The following ERCC6 variants were observed in gnomAD, a reference collection of about 807,000 sequenced individuals.
The protein encoded by ERCC6 is DNA excision repair protein ERCC-6.
In ERCC6, 116 loss-of-function variants were observed where a neutral mutation model predicts 158.7. That is an observed-to-expected ratio of 0.73 (90% confidence interval 0.63 to 0.85). The LOEUF is 0.85. ERCC6 is among the 40% of genes least tolerant of loss of function. ERCC6 has a pLI of 0.00. For missense variants in ERCC6, 1,698 were observed against 1,799.4 expected (o/e 0.94, Z 1.02); for synonymous variants, 678 against 659.3 (o/e 1.03, Z -0.43).
intron 5 of ERCC6, 118 bp downstream of exon 5, chr10:49,523,915 C>T: frequency 1.4e-6 from 2 of 1,455,158 alleles, no homozygotes; most frequent in South Asian, 1.2e-5. Flanking sequence ...AATCCAACCT[C>T]TGTATAATCG....
At chr10:49,513,214 C>T (rs1836853514) in intron 5 of ERCC6, among the ~76,000 whole-genome samples, 2 of 152,180 alleles carry the variant, frequency 1.3e-5, no homozygotes, top group Admixed American at 1.3e-4. Flanking sequence ...CAGAGCTACT[C>T]GGCTAGGCTC....
chr10:49,518,714 T>C (rs778042204), intron 5 of ERCC6, among the ~76,000 whole-genome samples: 52 of 152,082 alleles, frequency 3.4e-4, no homozygotes, highest in Non-Finnish European at 6.5e-4. Context: ...GAACAGTGGA[T>C]GTGCACAACC....
intron 5 of ERCC6, among the ~76,000 whole-genome samples, chr10:49,510,977 A>G (rs1851523068): frequency 6.6e-6 from 1 of 152,114 alleles, no homozygotes; most frequent in Admixed American, 6.6e-5. Context: ...GGTGGCTGCA[A>G]CATCAGAGAA....
chr10:49,496,422 C>T (rs1411609163), intron 7 of ERCC6, among the ~76,000 whole-genome samples: 3 of 152,162 alleles, frequency 2.0e-5, no homozygotes, highest in African/African-American at 7.2e-5. Context: ...GAAAATATAT[C>T]AACATGCTAA....
intron 18 of ERCC6, among the ~76,000 whole-genome samples, chr10:49,464,535 G>A (rs903587917): frequency 1.3e-5 from 2 of 152,198 alleles, no homozygotes; most frequent in African/African-American, 4.8e-5. Context: ...AAGACAATGA[G>A]GAAAATGTCT....
rs771748055 is a variant in ERCC6, at chr10:49,505,925, T to G, written c.1485A>C (p.Glu495Asp). ...ACAGAAAACCTGGCACTTTAAAACC[T>G]TCGTCAAATTCAGCATCACTTTCCT... The part of the protein sequence containing the change: ...DSEESDAEFD[E>D]GFKVPGFLFK... The change falls in exon 6 of 21, where the codon GAA becomes GAC. Residue 495 changes from glutamate to aspartate, a missense_variant. Transcript: ENST00000355832. 1.9e-6 allele frequency: 3 copies of G among 1,613,490 alleles called. No homozygotes were observed. In the Admixed American group the frequency reaches 5.0e-5, roughly 27 times the overall value.
chr10:49,502,709 T>C (rs1314294081), intron 6 of ERCC6: 4 of 152,212 alleles, frequency 2.6e-5, no homozygotes, highest in Admixed American at 1.3e-4. Context: ...CTTCTCCCTA[T>C]GGGACATTTG....
chr10:49,495,969 T>G (rs1038081986), intron 7 of ERCC6, among the ~76,000 whole-genome samples: 1 of 152,190 alleles, frequency 6.6e-6, no homozygotes, highest in African/African-American at 2.4e-5. Flanking sequence ...ATTAAACACC[T>G]GGACGTGGCC....
chr10:49,526,706 C>T (rs1025910502), intron 4 of ERCC6, among the ~76,000 whole-genome samples: 7 of 152,030 alleles, frequency 4.6e-5, no homozygotes, highest in South Asian at 2.1e-4. Flanking sequence ...GTAATTTTGC[C>T]GGAGATGAAT....
In ERCC6 at chr10:49,530,831, C is replaced by T. The variant is rs775786952; in HGVS notation, c.432G>A (p.Thr144=). The T allele has an allele frequency of 5.0e-6, 8 of 1,613,134 alleles. No homozygotes were observed. Among genetic ancestry groups the T allele is most frequent in the East Asian group, 2.2e-5 (1 of 44,810 alleles). The part of the protein sequence containing the change: ...RSVLDDLTSC[T]TSLRQINKII... The stretch of plus-strand genomic sequence containing the variant: ...TTTTATTGATTTGCCTTAGGGATGT[C>T]GTACATGACCTGAAAAATAAGATAA... Residue 144 remains threonine (T), a synonymous_variant, in exon 3 of 21, where the codon ACG becomes ACA. Coordinates refer to ENST00000355832, the MANE Select transcript of ERCC6 (RefSeq NM_000124.4).
chr10:49,472,256 C>T (rs1850793757), intron 16 of ERCC6, 120 bp downstream of exon 16: 2 of 921,350 alleles, frequency 2.2e-6, no homozygotes, highest in East Asian at 2.4e-5. Context: ...AAACCAAAGC[C>T]TTAAGTTATA....
chr10:49,516,403 C>T, intron 5 of ERCC6: 1 of 1,614,098 alleles, frequency 6.2e-7, no homozygotes, highest in African/African-American at 1.3e-5. Context: ...TCCACTGGAT[C>T]CAAATTTGCA....
chr10:49,534,711 A>T (rs893615246), intron 1 of ERCC6, among the ~76,000 whole-genome samples: 4 of 152,210 alleles, frequency 2.6e-5, no homozygotes, highest in African/African-American at 9.7e-5. Context: ...ACATCTAATA[A>T]ATATATTAAA....
intron 5 of ERCC6, 104 bp downstream of exon 5, chr10:49,523,929 G>C (rs909469951): frequency 1.3e-6 from 2 of 1,515,976 alleles, no homozygotes; most frequent in South Asian, 1.2e-5. Context: ...ATAATCGGGG[G>C]GGTCTAATAT....
chr10:49,487,447 C>A (rs537806900), intron 8 of ERCC6, among the ~76,000 whole-genome samples: 27 of 152,276 alleles, frequency 1.8e-4, no homozygotes, highest in Admixed American at 5.2e-4. Context: ...GCAATAAACG[C>A]CTTGGGGTGC....
chr10:49,472,863 T>G, intron 15 of ERCC6, 46 bp downstream of exon 15: 2 of 1,599,658 alleles, frequency 1.3e-6, no homozygotes, highest in Non-Finnish European at 8.5e-7. Context: ...ACCATGAAAC[T>G]ATATTTCTAC....
the ERCC6 span, among the ~76,000 whole-genome samples, chr10:49,436,427 A>G: frequency 1.3e-4 from 20 of 152,150 alleles, no homozygotes; most frequent in African/African-American, 4.8e-4. Flanking sequence ...TAATATTTAC[A>G]TAATCTACAC....
chr10:49,470,792 G>C lies in ERCC6; in HGVS notation c.3168C>G (p.Phe1056Leu). The change falls in exon 18 of 21, where the codon TTC (phenylalanine) becomes TTG (leucine). Residue 1056 changes from phenylalanine to leucine, a missense_variant. Phe to Leu is a conservative substitution (Grantham distance 22). Transcript: ENST00000355832. ...ADHDVPKRKK[F>L]PASNISVNDA... ...CATTTACAGATATGTTAGAAGCAGG[G>C]AACTTCTTGCGTTTTGGAACATCAT... 6.2e-7 allele frequency: 1 copy of C among 1,614,136 alleles called. No individual in the cohort carries two copies. Among genetic ancestry groups the C allele is most frequent in the Non-Finnish European group, 8.5e-7 (1 of 1,180,034 alleles).
chr10:49,469,966 T>C (rs1172417455), intron 18 of ERCC6, among the ~76,000 whole-genome samples: 2 of 152,248 alleles, frequency 1.3e-5, no homozygotes, highest in Non-Finnish European at 1.5e-5. Flanking sequence ...ATAAGTACTA[T>C]TGTTTTCCAA....
Sources: allele counts gnomAD v4.1 joint callset (sites outside exome capture counted in the v4.1 genomes callset), GRCh38; gene constraint gnomAD v4.1.1; transcripts MANE v1.5; gene names NCBI Gene and HGNC (gene_info 2026-07-23, HGNC 2026-07-21).